The following TAF1A variants were observed in gnomAD, a reference collection of about 807,000 sequenced individuals.
TAF1A encodes the protein TATA box-binding protein-associated factor RNA polymerase I subunit A.
TAF1A carries 42 observed loss-of-function variants against 61.6 expected under a neutral mutation model. That is an observed-to-expected ratio of 0.68 (90% CI 0.53 to 0.88). TAF1A has a LOEUF of 0.88. TAF1A is among the 40% of genes least tolerant of loss of function. TAF1A has a pLI of 0.00. For missense variants in TAF1A, 424 were observed against 518.7 expected (o/e 0.82, Z 1.77); for synonymous variants, 179 against 177.7 (o/e 1.01, Z -0.06).
At chr1:222,587,869 T>C (rs1038431037) in intron 2 of TAF1A, among the ~76,000 whole-genome samples, 4 of 152,072 alleles carry the variant, frequency 2.6e-5, no homozygotes, top group Non-Finnish European at 4.4e-5. Context: ...CTGCCCAACA[T>C]GGTGAAACCC....
At chr1:222,573,964 T>G (rs547558793) in intron 5 of TAF1A, among the ~76,000 whole-genome samples, 42 of 136,130 alleles carry the variant, frequency 3.1e-4, no homozygotes, top group Non-Finnish European at 5.1e-4. Context: ...ACATTATGCT[T>G]TCTTTGTCAA....
At chr1:222,581,807 T>C (rs1660800356) in intron 3 of TAF1A, among the ~76,000 whole-genome samples, 1 of 152,130 alleles carries the variant, frequency 6.6e-6, no homozygotes, top group South Asian at 2.1e-4. Flanking sequence ...CCCATTCAAG[T>C]AAGAACAAGG....
At chr1:222,573,177 G>A (rs1660430192) in intron 5 of TAF1A, among the ~76,000 whole-genome samples, 1 of 152,190 alleles carries the variant, frequency 6.6e-6, no homozygotes, top group African/African-American at 2.4e-5. Context: ...GCTGAGGCAG[G>A]AGAATCACTT....
chr1:222,570,690 A>G, intron 5 of TAF1A, 25 bp from the exon 6 acceptor site: 1 of 1,555,860 alleles, frequency 6.4e-7, no homozygotes, highest in Non-Finnish European at 8.7e-7. Flanking sequence ...AAGATCTTTT[A>G]ACATTCATTA....
At chr1:222,576,417 G>A (rs1264080130) in intron 5 of TAF1A, among the ~76,000 whole-genome samples, 1 of 152,214 alleles carries the variant, frequency 6.6e-6, no homozygotes, top group African/African-American at 2.4e-5. Context: ...GTGATAAATA[G>A]TAGGACTAAG....
At chr1:222,566,836 T>C (rs994318426) in intron 7 of TAF1A, among the ~76,000 whole-genome samples, 1 of 152,216 alleles carries the variant, frequency 6.6e-6, no homozygotes, top group Non-Finnish European at 1.5e-5. Flanking sequence ...TTAGCCAGGA[T>C]GTGGAATTGT....
chr1:222,558,772 C>T lies in TAF1A; in HGVS notation c.1241G>A (p.Gly414Asp). 1 of 1,472,730 alleles carries T rather than the reference C, an allele frequency of 6.8e-7. No individual in the cohort carries two copies. The highest frequency in any genetic ancestry group is 9.1e-7 in the Non-Finnish European group (1 of 1,093,026). 91.2% of individuals were successfully genotyped at this position (1,472,730 alleles called of 1,614,324 possible). ...TAAAATATACCGGAAATATCTACAA[C>T]CTAAAAAGTTAAGCAAAATAAAAAG... ...AFVAGLLLGK[G>D]CRYFRYILKQ... Residue 414 changes from glycine to aspartate, a missense_variant and splice_region_variant, in exon 11 of 11, where the codon GGT (glycine) becomes GAT (aspartate). Physicochemically the swap from Gly to Asp is moderately conservative, Grantham distance 94. Coordinates refer to ENST00000352967, the MANE Select transcript of TAF1A (RefSeq NM_005681.4).
In TAF1A at chr1:222,560,620, A is replaced by T. The variant is rs1481422494; in HGVS notation, c.1240+744T>A. Among the ~76,000 whole-genome samples the T allele has an allele frequency of 2.0e-5, 3 of 152,190 alleles. No homozygotes were observed. In the East Asian group the frequency reaches 5.8e-4, roughly 29 times the overall value. Reference sequence around the variant, plus strand: ...GATTTTTATTTTCTTCTTAATCAACATTGTATTACATTCACTGAGACTACT... The same window carrying T: ...GATTTTTATTTTCTTCTTAATCAACTTTGTATTACATTCACTGAGACTACT... On this transcript the variant is annotated intron_variant, in intron 10 of 10. Coordinates refer to ENST00000352967, the MANE Select transcript of TAF1A (RefSeq NM_005681.4).
chr1:222,569,238 T>C (rs1220455794), intron 7 of TAF1A: 6 of 1,258,826 alleles, frequency 4.8e-6, no homozygotes, highest in Admixed American at 7.3e-5. Context: ...TCAATAAAGT[T>C]GATTTTCAAA....
chr1:222,576,309 G>C (rs900784692), intron 5 of TAF1A, among the ~76,000 whole-genome samples: 1 of 152,158 alleles, frequency 6.6e-6, no homozygotes, highest in African/African-American at 2.4e-5. Flanking sequence ...AAAGAAGAGG[G>C]AAGGGAATCG....
At chr1:222,556,240 A>T (rs11487854), downstream of TAF1A, among the ~76,000 whole-genome samples, 55,254 of 152,032 alleles carry the variant, frequency 0.36, 10,948 homozygotes, top group African/African-American at 0.49. Flanking sequence ...TCTTCAAGGC[A>T]TCTTTCCAGA....
intron 4 of TAF1A, among the ~76,000 whole-genome samples, chr1:222,578,979 A>C (rs1346306904): frequency 6.6e-6 from 1 of 152,124 alleles, no homozygotes; most frequent in Non-Finnish European, 1.5e-5. Flanking sequence ...CCAACAGTTT[A>C]CTCTTCACAC....
At chr1:222,567,614 C>T (rs1660168664) in intron 7 of TAF1A, among the ~76,000 whole-genome samples, 1 of 152,066 alleles carries the variant, frequency 6.6e-6, no homozygotes, top group African/African-American at 2.4e-5. Flanking sequence ...AGAGACATGC[C>T]ATGTTTACAC....
chr1:222,577,266 T>C (rs1016227746), intron 5 of TAF1A, among the ~76,000 whole-genome samples, 179 bp downstream of exon 5: 5 of 152,194 alleles, frequency 3.3e-5, no homozygotes, highest in African/African-American at 1.2e-4. Context: ...CCATCTAATT[T>C]ATGATTGAAG....
chr1:222,576,391 G>A (rs1212864023), intron 5 of TAF1A, among the ~76,000 whole-genome samples: 1 of 152,180 alleles, frequency 6.6e-6, no homozygotes, highest in African/African-American at 2.4e-5. Flanking sequence ...AGGAAATACT[G>A]CTTACCACAT....
In TAF1A at chr1:222,585,984, A is replaced by C. The variant is rs112133587; in HGVS notation, c.122-1687T>G. Among the ~76,000 whole-genome samples the C allele has an allele frequency of 4.3e-3, 662 of 152,300 alleles. 2 individuals are homozygous for C. The highest frequency in any genetic ancestry group is 7.4e-3 in the Non-Finnish European group (506 of 68,014). ...TAAAATTTTTTCAGATGATTCCTTA[A>C]AACTATGCAAGGTAGTACTCAATTT... On this transcript the variant is annotated intron_variant, in intron 2 of 10. Coordinates refer to ENST00000352967, the MANE Select transcript of TAF1A (RefSeq NM_005681.4).
Position 222,588,345 on chromosome 1 carries a change from C to A in TAF1A, c.121+98G>T, listed in dbSNP as rs891271924. ...GCCAAAAAACCCTCCACATATTCCT[C>A]TTGAAAATTAAACCAGTCTGGTTAT... is the stretch of plus-strand genomic sequence containing the variant. On this transcript the variant is annotated intron_variant, in intron 2 of 10. Transcript: ENST00000352967. 3.1e-5 allele frequency: 44 copies of A among 1,441,930 alleles called. No individual in the cohort carries two copies. In the Middle Eastern group the frequency reaches 5.4e-4, roughly 18 times the overall value. 89.3% of individuals were successfully genotyped at this position (1,441,930 alleles called of 1,614,324 possible).
chr1:222,561,224 A>C (rs998674266), intron 10 of TAF1A, 140 bp downstream of exon 10: 4 of 739,678 alleles, frequency 5.4e-6, no homozygotes, highest in Non-Finnish European at 8.3e-6. Flanking sequence ...CTCAGGATTC[A>C]CTCTTCCATT....
chr1:222,583,522 G>A (rs997563726), intron 3 of TAF1A, among the ~76,000 whole-genome samples: 1 of 152,114 alleles, frequency 6.6e-6, no homozygotes, highest in Admixed American at 6.5e-5. Flanking sequence ...GTCTATGGGG[G>A]AAGTTTGGGT....
Sources: allele counts gnomAD v4.1 joint callset (sites outside exome capture counted in the v4.1 genomes callset), GRCh38; gene constraint gnomAD v4.1.1; transcripts MANE v1.5; gene names NCBI Gene and HGNC (gene_info 2026-07-23, HGNC 2026-07-21).